FHIT: variants seen among roughly 807,000 people sequenced by gnomAD.
FHIT encodes fragile histidine triad diadenosine triphosphatase.
A neutral mutation model predicts 17.9 loss-of-function variants in FHIT; 19 were observed. That is an observed-to-expected ratio of 1.06 (90% CI 0.74 to 1.56). The LOEUF (loss-of-function observed/expected upper bound fraction) is 1.56, where lower values mean the gene tolerates loss of function less well. Among genes scored for constraint, FHIT ranks in the 40% most tolerant of loss-of-function variants. FHIT has a pLI of 0.00. For missense variants in FHIT, 248 were observed against 189.2 expected, an observed-to-expected ratio of 1.31 and a Z score of -1.82; for synonymous variants, 81 against 69.7, an observed-to-expected ratio of 1.16 and a Z score of -0.81.
intron 3 of FHIT, among the ~76,000 whole-genome samples, chr3:60,965,156 C>CCCCT (rs1553782761): frequency 6.6e-6 from 1 of 151,806 alleles, no homozygotes; most frequent in African/African-American, 2.4e-5. Context: ...CTCTAAACGT[C>CCCCT]TCTTCCGGCT....
chr3:60,869,883 GT>G (rs1326725521), intron 3 of FHIT, among the ~76,000 whole-genome samples: 2 of 152,100 alleles, frequency 1.3e-5, no homozygotes, highest in African/African-American at 4.8e-5. Context: ...AGGAATGTCT[GT>G]TCTTGAGCTC....
chr3:61,015,067 A>T (rs2032032008), intron 3 of FHIT, among the ~76,000 whole-genome samples: 1 of 151,812 alleles, frequency 6.6e-6, no homozygotes, highest in Non-Finnish European at 1.5e-5. Flanking sequence ...TCCTAGACAA[A>T]ATGGGGCCTG....
At chr3:60,938,029 C>T (rs375772907) in intron 3 of FHIT, among the ~76,000 whole-genome samples, 6 of 152,114 alleles carry the variant, frequency 3.9e-5, no homozygotes, top group Admixed American at 1.3e-4. Flanking sequence ...AAGCAGAGGG[C>T]CCTTTGCACC....
chr3:59,834,763 G>T (rs879371222), intron 8 of FHIT, among the ~76,000 whole-genome samples: 3 of 152,098 alleles, frequency 2.0e-5, no homozygotes, highest in Non-Finnish European at 2.9e-5. Flanking sequence ...TTCAACATAT[G>T]AATTTTGAAG....
chr3:60,427,508 T>C (rs1055501942), intron 5 of FHIT, among the ~76,000 whole-genome samples: 8 of 152,150 alleles, frequency 5.3e-5, no homozygotes, highest in African/African-American at 1.9e-4. Context: ...TTTCTGTGGC[T>C]TTAAGCCACT....
At chr3:59,854,991 G>A (rs925629055) in intron 8 of FHIT, among the ~76,000 whole-genome samples, 6 of 152,118 alleles carry the variant, frequency 3.9e-5, no homozygotes, top group African/African-American at 1.2e-4. Context: ...AAAAGACTTT[G>A]GTTTGCCTTT....
At chr3:61,173,669 C>T (rs758603707) in intron 2 of FHIT, among the ~76,000 whole-genome samples, 1 of 152,010 alleles carries the variant, frequency 6.6e-6, no homozygotes, top group Non-Finnish European at 1.5e-5. Flanking sequence ...TTTGTGAGAA[C>T]CTAAAGAGAC....
At chr3:60,044,139 C>T (rs1280957661) in intron 5 of FHIT, among the ~76,000 whole-genome samples, 2 of 152,112 alleles carry the variant, frequency 1.3e-5, no homozygotes, top group African/African-American at 4.8e-5. Context: ...GGCTTTGCAG[C>T]TCAGAGGAAA....
chr3:60,573,123 C>G (rs529689567), intron 4 of FHIT, among the ~76,000 whole-genome samples: 1 of 152,198 alleles, frequency 6.6e-6, no homozygotes, highest in African/African-American at 2.4e-5. Flanking sequence ...TGGCTTTTTG[C>G]TAGAAAGCCT....
At chr3:59,795,660 G>T (rs1699749486) in intron 8 of FHIT, among the ~76,000 whole-genome samples, 2 of 152,240 alleles carry the variant, frequency 1.3e-5, no homozygotes, top group Admixed American at 1.3e-4. Context: ...CCAGGAGTTT[G>T]AGGCTGCGGT....
Position 59,805,412 on chromosome 3 carries a change from G to T in FHIT, c.349-53091C>A, listed in dbSNP as rs898747138. On this transcript the variant is annotated intron_variant, in intron 8 of 9. Coordinates refer to ENST00000492590, the MANE Select transcript of FHIT (RefSeq NM_002012.4). ...GTGAGAAGGTAACAGAAGTAGGAAGGTCTTTCTGACTGTTCGCTCCCTGTT... is the reference window on the plus strand; with the variant it reads ...GTGAGAAGGTAACAGAAGTAGGAAGTTCTTTCTGACTGTTCGCTCCCTGTT... Among the ~76,000 whole-genome samples, 3 of 152,284 alleles carry T rather than the reference G, an allele frequency of 2.0e-5. No homozygotes were observed. In the East Asian group the frequency reaches 5.8e-4, roughly 29 times the overall value.
intron 4 of FHIT, among the ~76,000 whole-genome samples, chr3:60,618,674 C>A (rs939929701): frequency 6.6e-6 from 1 of 152,210 alleles, no homozygotes; most frequent in South Asian, 2.1e-4. Context: ...ATATGTTATG[C>A]AAAAAGATTT....
intron 3 of FHIT, among the ~76,000 whole-genome samples, chr3:60,919,093 G>A (rs1382334861): frequency 6.6e-6 from 1 of 152,106 alleles, no homozygotes. Flanking sequence ...AGCAAAGGGG[G>A]CTCAGTGGAA....
chr3:61,199,671 G>A (rs536108149), intron 2 of FHIT, among the ~76,000 whole-genome samples: 2 of 152,184 alleles, frequency 1.3e-5, no homozygotes, highest in East Asian at 3.9e-4. Flanking sequence ...AAGTTAGGAA[G>A]AACTTAAAGT....
intron 5 of FHIT, among the ~76,000 whole-genome samples, chr3:60,023,413 A>G (rs1435819213): frequency 6.6e-6 from 1 of 152,240 alleles, no homozygotes; most frequent in East Asian, 1.9e-4. Context: ...TAGGGTGGCT[A>G]GAGTGAAACC....
chr3:60,190,628 C>T (rs993473424), intron 5 of FHIT, among the ~76,000 whole-genome samples: 35 of 151,038 alleles, frequency 2.3e-4, no homozygotes, highest in African/African-American at 7.5e-4. Context: ...GGTGGGGGAG[C>T]AGGGAGGGAT....
chr3:60,279,275 T>G (rs1315719585), intron 5 of FHIT, among the ~76,000 whole-genome samples: 1 of 152,066 alleles, frequency 6.6e-6, no homozygotes, highest in Non-Finnish European at 1.5e-5. Context: ...TGATCTCAAA[T>G]TTGATAACTT....
chr3:60,908,944 C>T (rs1454765925), intron 3 of FHIT, among the ~76,000 whole-genome samples: 1 of 152,202 alleles, frequency 6.6e-6, no homozygotes, highest in East Asian at 1.9e-4. Flanking sequence ...AAGAGCCCAG[C>T]TGTTCCAAAT....
intron 3 of FHIT, among the ~76,000 whole-genome samples, chr3:60,914,986 C>T (rs1706928234): frequency 6.6e-6 from 1 of 152,206 alleles, no homozygotes; most frequent in Non-Finnish European, 1.5e-5. Flanking sequence ...AAATTTCAAT[C>T]TCCACTGCAG....
Sources: allele counts gnomAD v4.1 joint callset (sites outside exome capture counted in the v4.1 genomes callset), GRCh38; gene constraint gnomAD v4.1.1; transcripts MANE v1.5; gene names NCBI Gene and HGNC (gene_info 2026-07-23, HGNC 2026-07-21).